C11orf21: variants seen among roughly 807,000 people sequenced by gnomAD.
C11orf21 encodes the protein chromosome 11 open reading frame 21, also known as uncharacterized protein C11orf21.
C11orf21 carries 19 observed loss-of-function variants against 15.2 expected under a neutral mutation model. The observed-to-expected ratio is 1.25, with a 90% CI of 0.87 to 1.84. C11orf21 has a LOEUF of 1.84. C11orf21 is among the 40% of genes most tolerant of loss of function. The pLI is 0.00. For missense variants in C11orf21, 171 were observed against 174.4 expected (o/e 0.98, Z 0.11); for synonymous variants, 62 against 66.8 (o/e 0.93, Z 0.35).
upstream of C11orf21, chr11:2,302,740 G>C: frequency 1.1e-6 from 1 of 890,236 alleles, no homozygotes; most frequent in South Asian, 1.6e-5. Context: ...TGTCTCTCAC[G>C]GGACCGGGAA....
Position 2,299,415 on chromosome 11 carries a change from C to G in C11orf21, c.*28+13G>C, listed in dbSNP as rs548458003. The G allele has an allele frequency of 3.9e-6, 6 of 1,543,610 alleles. No homozygotes were observed. Among genetic ancestry groups the G allele is most frequent in the Non-Finnish European group, 5.2e-6 (6 of 1,142,934 alleles). Reference sequence around the variant, plus strand: ...GGGCCCCCAGGCTCCAGCCTCAGAGCCCGGCTGCTCACCTCTGATGGACAG... The same window carrying G: ...GGGCCCCCAGGCTCCAGCCTCAGAGGCCGGCTGCTCACCTCTGATGGACAG... On this transcript the variant is annotated intron_variant, in intron 3 of 3. Transcript: ENST00000381153.
chr11:2,303,118 C>T (rs1278999009), upstream of C11orf21: 1 of 627,864 alleles, frequency 1.6e-6, no homozygotes, highest in African/African-American at 1.9e-5. Context: ...AGTCCTAGCT[C>T]CCCTGGGCAG....
At chr11:2,299,374 C>T in intron 3 of C11orf21, 54 bp downstream of exon 3, 3 of 1,508,894 alleles carry the variant, frequency 2.0e-6, no homozygotes, top group Non-Finnish European at 2.7e-6. Context: ...AGGGGCCGCG[C>T]TCACAGACAG....
chr11:2,301,734 A>C, intron 1 of C11orf21, 22 bp downstream of exon 1: 1 of 1,539,318 alleles, frequency 6.5e-7, no homozygotes. Context: ...ACACTTGCTC[A>C]CTCCCAGGAC....
In C11orf21 at chr11:2,299,701, G is replaced by A; in HGVS notation, c.154C>T (p.Pro52Ser). 6.4e-7 allele frequency: 1 copy of A among 1,551,014 alleles called. No homozygotes were observed. The highest frequency in any genetic ancestry group is 8.7e-7 in the Non-Finnish European group (1 of 1,146,884). ...PGWPSRDQEA[P>S]GSMMPPAAAQ... ...GCTGCAGGTGGCATCATTGAGCCAG[G>A]GGCCTCCTGGTGGGTAAGGACATTG... Residue 52 changes from proline to serine, a missense_variant, in exon 3 of 4, where the codon CCT becomes TCT. Coordinates refer to ENST00000381153, the MANE Select transcript of C11orf21 (RefSeq NM_001329958.2).
chr11:2,301,600 C>T (rs1018301198), intron 1 of C11orf21, 156 bp downstream of exon 1: 5 of 644,286 alleles, frequency 7.8e-6, no homozygotes. Flanking sequence ...AACCAACGAC[C>T]TTCTCAAAAC....
At position 2,299,528 on chromosome 11, in the gene C11orf21, C is replaced by G; in HGVS notation, c.327G>C (p.Leu109Phe). ...LPLAIRLGWD[L>F]DLEAGPSSGK... ...CAGAGGAGGGGCCTGCTTCTAAGTCCAAGTCCCATCCCAGCCGGATAGCCA... is the reference window on the plus strand; with the variant it reads ...CAGAGGAGGGGCCTGCTTCTAAGTCGAAGTCCCATCCCAGCCGGATAGCCA... The change falls in exon 3 of 4, where the codon TTG becomes TTC. Residue 109 changes from leucine (L) to phenylalanine (F), a missense_variant. Physicochemically the swap from Leu to Phe is conservative, Grantham distance 22. Transcript: ENST00000381153. The G allele has an allele frequency of 6.4e-7, 1 of 1,550,646 alleles. No individual in the cohort carries two copies. The highest frequency in any genetic ancestry group is 8.7e-7 in the Non-Finnish European group (1 of 1,146,980).
chr11:2,301,218 C>A, intron 1 of C11orf21: 1 of 235,964 alleles, frequency 4.2e-6, no homozygotes, highest in Non-Finnish European at 8.4e-6. Flanking sequence ...TCTTGGGGCC[C>A]CCTCCCCCTT....
At chr11:2,299,363 G>T in intron 3 of C11orf21, 65 bp downstream of exon 3, 1 of 1,472,572 alleles carries the variant, frequency 6.8e-7, no homozygotes. Flanking sequence ...TCCCCGGTGG[G>T]AGGGGCCGCG....
At position 2,299,459 on chromosome 11, in the gene C11orf21, G is replaced by C; in HGVS notation, c.396C>G (p.Ser132=). ...PRARRWQPLP[S] is the part of the protein sequence containing the mutation. ...TGGACAGAAAAGGGTCCCTGTCTCA[G>C]GAAGGTAGAGGCTGCCACCTCCTGG... is the stretch of plus-strand genomic sequence containing the variant. Residue 132 remains serine, a synonymous_variant, in exon 3 of 4, where the codon TCC becomes TCG. Transcript: ENST00000381153. 1 of 1,550,134 alleles carries C rather than the reference G, an allele frequency of 6.5e-7. No homozygotes were observed. The highest frequency in any genetic ancestry group is 8.7e-7 in the Non-Finnish European group (1 of 1,146,846).
intron 1 of C11orf21, chr11:2,301,256 A>G (rs1589788374): frequency 4.9e-6 from 1 of 205,284 alleles, no homozygotes; most frequent in East Asian, 1.4e-4. Context: ...ATGCAGGAGG[A>G]GCAATTCCAG....
In C11orf21 at chr11:2,299,544, C is replaced by G; in HGVS notation, c.311G>C (p.Arg104Pro). Residue 104 changes from arginine (R) to proline (P), a missense_variant, in exon 3 of 4, where the codon CGG (arginine) becomes CCG (proline). Coordinates refer to ENST00000381153, the MANE Select transcript of C11orf21 (RefSeq NM_001329958.2). ...SLPGQLPLAI[R>P]LGWDLDLEAG... ...TTCTAAGTCCAAGTCCCATCCCAGCCGGATAGCCAGGGGCAACTGCCCAGG... is the reference window on the plus strand; with the variant it reads ...TTCTAAGTCCAAGTCCCATCCCAGCGGGATAGCCAGGGGCAACTGCCCAGG... 1 of 1,550,694 alleles carries G rather than the reference C, an allele frequency of 6.4e-7. No homozygotes were observed. Among genetic ancestry groups the G allele is most frequent in the East Asian group, 2.4e-5 (1 of 40,896 alleles).
chr11:2,300,677 T>C, intron 1 of C11orf21, 64 bp from the exon 2 acceptor site: 1 of 1,549,998 alleles, frequency 6.5e-7, no homozygotes, highest in Middle Eastern at 1.7e-4. Context: ...TCCGAAATTC[T>C]TCAGACCTGA....
chr11:2,301,093 T>C, intron 1 of C11orf21: 1 of 348,986 alleles, frequency 2.9e-6, no homozygotes, highest in South Asian at 3.0e-5. Context: ...CTCCTGGTTC[T>C]CCCTCCGCAG....
upstream of C11orf21, chr11:2,302,639 G>A: frequency 1.7e-6 from 1 of 594,190 alleles, no homozygotes; most frequent in Non-Finnish European, 3.0e-6. Context: ...CGTCTACCAT[G>A]TGGGGGTGCC....
At position 2,299,531 on chromosome 11, in the gene C11orf21, G is replaced by C. The variant is rs1360160854; in HGVS notation, c.324C>G (p.Asp108Glu). The change falls in exon 3 of 4, where the codon GAC (aspartate) becomes GAG (glutamate). Residue 108 changes from aspartate to glutamate, a missense_variant. Transcript: ENST00000381153. The stretch of plus-strand genomic sequence containing the variant: ...AGGAGGGGCCTGCTTCTAAGTCCAA[G>C]TCCCATCCCAGCCGGATAGCCAGGG... ...QLPLAIRLGW[D>E]LDLEAGPSSG... is the part of the protein sequence containing the mutation. 3 of 1,550,664 alleles carry C rather than the reference G, an allele frequency of 1.9e-6. No homozygotes were observed. In the East Asian group the frequency reaches 7.3e-5, roughly 38 times the overall value.
In C11orf21 at chr11:2,299,547, A is replaced by G; in HGVS notation, c.308T>C (p.Ile103Thr). 1 of 1,550,748 alleles carries G rather than the reference A, an allele frequency of 6.4e-7. No individual in the cohort carries two copies. Among genetic ancestry groups the G allele is most frequent in the East Asian group, 2.4e-5 (1 of 40,904 alleles). ...TAAGTCCAAGTCCCATCCCAGCCGG[A>G]TAGCCAGGGGCAACTGCCCAGGTAA... ...LSLPGQLPLA[I>T]RLGWDLDLEA... The change falls in exon 3 of 4, where the codon ATC (isoleucine) becomes ACC (threonine). Residue 103 changes from isoleucine (I) to threonine (T), a missense_variant. Physicochemically the swap from Ile to Thr is moderately conservative, Grantham distance 89. Transcript: ENST00000381153.
At chr11:2,302,287 C>G (rs530261831), upstream of C11orf21, 6 of 1,320,582 alleles carry the variant, frequency 4.5e-6, no homozygotes, top group East Asian at 1.7e-4. Context: ...AGGGCCTCAG[C>G]ACAGGGATTA....
At chr11:2,301,153 G>A (rs77781009) in intron 1 of C11orf21, 4,254 of 265,356 alleles carry the variant, frequency 0.016, 195 homozygotes, top group African/African-American at 0.09. Flanking sequence ...GTTCCTGAGC[G>A]GGCGGCAGCT....
Sources: gnomAD v4.1 joint callset for allele counts on GRCh38, gnomAD v4.1.1 for gene constraint, MANE v1.5 for transcripts, NCBI Gene and HGNC (gene_info 2026-07-23, HGNC 2026-07-21) for gene names.